Variants in DYNC2I1 observed in about 807,000 individuals in gnomAD.
DYNC2I1 encodes the protein cytoplasmic dynein 2 intermediate chain 1.
DYNC2I1 carries 89 observed loss-of-function variants against 133.4 expected under a neutral mutation model. The observed-to-expected ratio is 0.67, with a 90% CI of 0.56 to 0.80. The LOEUF is 0.80. Ranked by LOEUF, DYNC2I1 falls within the 30% of genes least tolerant of loss-of-function variation. The probability of loss-of-function intolerance (pLI) is 0.00; values close to 1 mark genes in which losing one functional copy is unlikely to be tolerated. For synonymous variants in DYNC2I1, 504 were observed against 484.3 expected, an observed-to-expected ratio of 1.04 and a Z score of -0.54; for missense variants, 1,291 against 1,314.5, an observed-to-expected ratio of 0.98 and a Z score of 0.28.
chr7:158,945,798 C>G lies in DYNC2I1; in HGVS notation c.*19C>G. ...CAAGTAGCGGGTGTGGCTGAGAGGA[C>G]CGCGTTTCTGTAATGACCCAGATTT... On this transcript the variant is annotated 3_prime_UTR_variant, in exon 25 of 25. Transcript: ENST00000407559. This position sits in a 1 kb window ranked among gnomAD's most constrained non-coding sequence, Gnocchi z 4.1. 1 of 1,508,622 alleles carries G rather than the reference C, an allele frequency of 6.6e-7. No homozygotes were observed. Among genetic ancestry groups the G allele is most frequent in the Non-Finnish European group, 8.8e-7 (1 of 1,130,202 alleles). 93.5% of individuals were successfully genotyped at this position (1,508,622 alleles called of 1,614,324 possible).
intron 7 of DYNC2I1, 147 bp downstream of exon 7, chr7:158,887,222 C>G: frequency 4.0e-6 from 3 of 755,266 alleles, no homozygotes; most frequent in Non-Finnish European, 6.7e-6. Context: ...AGAAGGCACA[C>G]TGGAGACTCA....
At chr7:158,905,316 T>A in intron 10 of DYNC2I1, 1 of 306,644 alleles carries the variant, frequency 3.3e-6, no homozygotes, top group South Asian at 2.8e-5. Context: ...AATTTTTGTA[T>A]TTTTAGTAGA....
At chr7:158,928,839 T>G (rs1283033463) in intron 20 of DYNC2I1, among the ~76,000 whole-genome samples, 1 of 152,098 alleles carries the variant, frequency 6.6e-6, no homozygotes, top group Non-Finnish European at 1.5e-5. Context: ...CCAGAACTCT[T>G]GTGACCTTAA....
chr7:158,882,455 C>T (rs548257703), intron 5 of DYNC2I1, among the ~76,000 whole-genome samples: 15 of 152,194 alleles, frequency 9.9e-5, no homozygotes, highest in African/African-American at 3.6e-4. Context: ...TGGTGGCACA[C>T]AGCTGTAGTC....
chr7:158,939,587 A>G lies in DYNC2I1; in HGVS notation c.2779-2338A>G, dbSNP rs550599255. On this transcript the variant is annotated intron_variant, in intron 23 of 24. Transcript: ENST00000407559. Reference sequence around the variant, plus strand: ...AAGAGAGGAGTCTTAAGCAGAAATCAAGCAACAAAATGGCAGTAGAATGTT... The same window carrying G: ...AAGAGAGGAGTCTTAAGCAGAAATCGAGCAACAAAATGGCAGTAGAATGTT... Among the ~76,000 whole-genome samples the G allele has an allele frequency of 2.0e-5, 3 of 152,354 alleles. No individual in the cohort carries two copies. The South Asian group carries it at 6.2e-4, about 32-fold the overall frequency.
upstream of DYNC2I1, among the ~76,000 whole-genome samples, chr7:158,855,447 A>C (rs1225070727): frequency 1.3e-5 from 2 of 152,198 alleles, no homozygotes; most frequent in African/African-American, 4.8e-5. Context: ...GGAGGGTCAG[A>C]ATATTGTAGC....
chr7:158,940,388 G>A (rs1282535288), intron 23 of DYNC2I1, among the ~76,000 whole-genome samples: 2 of 152,134 alleles, frequency 1.3e-5, no homozygotes, highest in African/African-American at 4.8e-5. Flanking sequence ...ATGCTCACTC[G>A]CCTGCTGCTC....
At chr7:158,951,545 G>C (rs571457771) in intron 4 of DYNC2I1, among the ~76,000 whole-genome samples, 9 of 152,388 alleles carry the variant, frequency 5.9e-5, no homozygotes, top group Admixed American at 1.3e-4. Context: ...GCCACAGGAA[G>C]GTGCTGGAGC....
chr7:158,919,307 T>C (rs549101022), intron 15 of DYNC2I1, among the ~76,000 whole-genome samples: 3 of 152,354 alleles, frequency 2.0e-5, no homozygotes, highest in African/African-American at 4.8e-5. Flanking sequence ...TAACATTTAG[T>C]GTAGATAGAC....
chr7:158,910,236 G>GA (rs1218371495), intron 11 of DYNC2I1, among the ~76,000 whole-genome samples: 1 of 152,280 alleles, frequency 6.6e-6, no homozygotes, highest in East Asian at 1.9e-4. Context: ...GAAGCAAGAG[G>GA]AAGCCACGTG....
Position 158,934,175 on chromosome 7 carries a change from A to C in DYNC2I1, c.2593A>C (p.Asn865His). ...NEFWGTTQTL[N>H]VKFLPSDPNH... is the part of the protein sequence containing the mutation. ...ATTTTGGGGCACTACACAAACACTG[A>C]ATGTTAAATTTCTGCCTTCAGATCC... Residue 865 changes from asparagine (N) to histidine (H), a missense_variant, in exon 22 of 25, where the codon AAT (asparagine) becomes CAT (histidine). Coordinates refer to ENST00000407559, the MANE Select transcript of DYNC2I1 (RefSeq NM_018051.5). 1 of 1,612,506 alleles carries C rather than the reference A, an allele frequency of 6.2e-7. No homozygotes were observed.
Position 158,856,589 on chromosome 7 carries a change from T to G in DYNC2I1, c.-147T>G. 4 of 824,330 alleles carry G rather than the reference T, an allele frequency of 4.9e-6. No homozygotes were observed. The highest frequency in any genetic ancestry group is 6.5e-6 in the Non-Finnish European group (4 of 617,286). The allele number at this position is 824,330 out of a possible 1,614,324, so 51.1% of individuals were successfully genotyped here. ...GGCCGCAGGGCACGCTGGGCAGTGC[T>G]TCTGGGCCCTCTGCTGCTCCTGCTT... is the stretch of plus-strand genomic sequence containing the variant. On this transcript the variant is annotated 5_prime_UTR_variant, in exon 1 of 25. Coordinates refer to ENST00000407559, the MANE Select transcript of DYNC2I1 (RefSeq NM_018051.5).
At chr7:158,847,476 C>T in the DYNC2I1 span, among the ~76,000 whole-genome samples, 1 of 152,084 alleles carries the variant, frequency 6.6e-6, no homozygotes, top group Non-Finnish European at 1.5e-5. Context: ...TCTTTGCCTC[C>T]TGGGTGGCCA....
Position 158,911,675 on chromosome 7 carries a change from A to G in DYNC2I1, c.1586A>G (p.Lys529Arg). The change falls in exon 12 of 25, where the codon AAG (lysine) becomes AGG (arginine). Residue 529 changes from lysine (K) to arginine (R), a missense_variant. Transcript: ENST00000407559. ...YIRNFGKKNT[K>R]QAYVQCNEDN... Reference sequence around the variant, plus strand: ...AGAAACTTTGGGAAAAAAAATACCAAGCAGGTAAGTATGAGATGTGTTAAC... The same window carrying G: ...AGAAACTTTGGGAAAAAAAATACCAGGCAGGTAAGTATGAGATGTGTTAAC... 6.2e-7 allele frequency: 1 copy of G among 1,610,242 alleles called. No homozygotes were observed. The highest frequency in any genetic ancestry group is 8.5e-7 in the Non-Finnish European group (1 of 1,178,882).
chr7:158,882,755 A>G (rs535124526), intron 5 of DYNC2I1, among the ~76,000 whole-genome samples: 2 of 152,182 alleles, frequency 1.3e-5, no homozygotes, highest in Admixed American at 1.3e-4. Context: ...ACGTGCCTGT[A>G]ATCCCAGCTA....
chr7:158,942,188 G>A, intron 24 of DYNC2I1, 40 bp downstream of exon 24: 5 of 1,477,140 alleles, frequency 3.4e-6, no homozygotes, highest in Non-Finnish European at 4.5e-6. Flanking sequence ...GGTTGTGGGG[G>A]GGCTTCGGCC....
upstream of DYNC2I1, among the ~76,000 whole-genome samples, chr7:158,852,426 C>G (rs1051018172): frequency 1.8e-4 from 27 of 151,252 alleles, no homozygotes; most frequent in Admixed American, 4.6e-4. Flanking sequence ...GGCCTGTAAG[C>G]GCTGGTTTTG....
intron 5 of DYNC2I1, 41 bp downstream of exon 5, chr7:158,880,030 A>C: frequency 6.5e-7 from 1 of 1,537,872 alleles, no homozygotes; most frequent in Non-Finnish European, 8.7e-7. Flanking sequence ...AGCCGCCCCG[A>C]GGCCGGCGCT....
intron 23 of DYNC2I1, among the ~76,000 whole-genome samples, chr7:158,941,713 C>T (rs573571631): frequency 2.0e-5 from 3 of 152,302 alleles, no homozygotes; most frequent in African/African-American, 7.2e-5. Flanking sequence ...GAGACCTCAT[C>T]TCTACGAACG....
Sources: allele counts gnomAD v4.1 joint callset (sites outside exome capture counted in the v4.1 genomes callset), GRCh38; gene constraint gnomAD v4.1.1; non-coding constraint Gnocchi (gnomAD v3.1); transcripts MANE v1.5; gene names NCBI Gene and HGNC (gene_info 2026-07-23, HGNC 2026-07-21).